Variants in ADAMTSL3 observed in about 807,000 individuals in gnomAD.
ADAMTSL3 encodes ADAMTS like 3.
In ADAMTSL3, 128 loss-of-function variants were observed where a neutral mutation model predicts 201.7. That is an observed-to-expected ratio of 0.63 (90% CI 0.55 to 0.73). The LOEUF (loss-of-function observed/expected upper bound fraction) is 0.73. ADAMTSL3 is among the 30% of genes least tolerant of loss of function. The probability of loss-of-function intolerance (pLI) is 0.00; values close to 1 mark genes in which losing one functional copy is unlikely to be tolerated. For synonymous variants in ADAMTSL3, 738 were observed against 748.4 expected (o/e 0.99, Z 0.23); for missense variants, 1,990 against 2,119.6 (o/e 0.94, Z 1.20).
intron 3 of ADAMTSL3, among the ~76,000 whole-genome samples, chr15:83,760,539 C>T (rs779869687): frequency 2.6e-5 from 4 of 152,020 alleles, no homozygotes; most frequent in East Asian, 1.9e-4. Flanking sequence ...TATTCTGTAT[C>T]GTTACTTATT....
intron 3 of ADAMTSL3, among the ~76,000 whole-genome samples, chr15:83,722,214 C>T (rs1282175500): frequency 6.6e-6 from 1 of 152,078 alleles, no homozygotes; most frequent in Non-Finnish European, 1.5e-5. Context: ...CAGAAAAGTT[C>T]AGTTACAGGG....
At chr15:83,727,867 A>G (rs2062204185) in intron 3 of ADAMTSL3, among the ~76,000 whole-genome samples, 1 of 152,018 alleles carries the variant, frequency 6.6e-6, no homozygotes, top group South Asian at 2.1e-4. Context: ...TTCTGTAAAT[A>G]TCTATTAGGT....
intron 7 of ADAMTSL3, among the ~76,000 whole-genome samples, chr15:83,850,101 G>GAA (rs34734300): frequency 2.0e-5 from 3 of 150,550 alleles, no homozygotes; most frequent in Middle Eastern, 3.4e-3. Flanking sequence ...AGGAAGATTA[G>GAA]AAAAAAAAAA....
At chr15:83,899,934 CAGAAA>C (rs2065691361) in intron 15 of ADAMTSL3, among the ~76,000 whole-genome samples, 1 of 152,156 alleles carries the variant, frequency 6.6e-6, no homozygotes, top group Non-Finnish European at 1.5e-5. Context: ...CTGAGCAGCA[CAGAAA>C]AGAACAGTGT....
intron 3 of ADAMTSL3, among the ~76,000 whole-genome samples, chr15:83,741,878 G>A (rs183335906): frequency 1.5e-4 from 23 of 152,196 alleles, no homozygotes; most frequent in Admixed American, 1.4e-3. Flanking sequence ...GGCTGACGTG[G>A]GAGGATCGCT....
intron 20 of ADAMTSL3, among the ~76,000 whole-genome samples, chr15:83,980,977 G>A (rs2067376073): frequency 6.6e-6 from 1 of 152,188 alleles, no homozygotes; most frequent in Non-Finnish European, 1.5e-5. Flanking sequence ...ACAACAAGGA[G>A]GACCTGTAAC....
chr15:83,698,188 A>G (rs139793310), intron 2 of ADAMTSL3, among the ~76,000 whole-genome samples: 9 of 152,278 alleles, frequency 5.9e-5, no homozygotes, highest in African/African-American at 1.4e-4. Context: ...TATTTCTATT[A>G]TATCATAATA....
chr15:83,722,704 C>T (rs1051204471), intron 3 of ADAMTSL3, among the ~76,000 whole-genome samples: 1 of 152,018 alleles, frequency 6.6e-6, no homozygotes, highest in Admixed American at 6.6e-5. Flanking sequence ...CAAGAGTATT[C>T]GTTTCAGAAA....
chr15:84,035,580 T>C (rs188642077), intron 28 of ADAMTSL3, among the ~76,000 whole-genome samples: 5 of 152,210 alleles, frequency 3.3e-5, no homozygotes, highest in African/African-American at 1.2e-4. Flanking sequence ...TTTGATAGAG[T>C]CTCCTCCTAC....
At chr15:83,694,051 C>G (rs1287009973) in intron 2 of ADAMTSL3, among the ~76,000 whole-genome samples, 1 of 152,210 alleles carries the variant, frequency 6.6e-6, no homozygotes, top group East Asian at 1.9e-4. Context: ...AAAATACATG[C>G]TTCACTGGAG....
At chr15:83,977,156 T>C (rs1043594020) in intron 20 of ADAMTSL3, among the ~76,000 whole-genome samples, 4 of 152,152 alleles carry the variant, frequency 2.6e-5, no homozygotes, top group African/African-American at 9.6e-5. Flanking sequence ...TATTGTGAAC[T>C]GCGCATGCGA....
At chr15:83,882,047 T>G (rs1299308255) in intron 9 of ADAMTSL3, among the ~76,000 whole-genome samples, 1 of 151,888 alleles carries the variant, frequency 6.6e-6, no homozygotes, top group South Asian at 2.1e-4. Flanking sequence ...TCTCAGCTAC[T>G]TGGGAGGCTG....
At chr15:84,017,120 GTTTA>G (rs2068100076) in intron 25 of ADAMTSL3, among the ~76,000 whole-genome samples, 1 of 152,024 alleles carries the variant, frequency 6.6e-6, no homozygotes, top group Non-Finnish European at 1.5e-5. Context: ...TGTTTATTTT[GTTTA>G]TTTATTTATT....
chr15:83,771,229 CTTAA>C (rs1222776170), intron 3 of ADAMTSL3, among the ~76,000 whole-genome samples: 30 of 141,876 alleles, frequency 2.1e-4, no homozygotes, highest in African/African-American at 6.5e-4. Context: ...ATTCTCTACT[CTTAA>C]TTGAGACAAT....
At chr15:83,803,743 T>C (rs549770413) in intron 4 of ADAMTSL3, among the ~76,000 whole-genome samples, 1 of 152,250 alleles carries the variant, frequency 6.6e-6, no homozygotes, top group South Asian at 2.1e-4. Context: ...GAAGATAGGT[T>C]ATGTGGTGGT....
intron 2 of ADAMTSL3, among the ~76,000 whole-genome samples, chr15:83,659,360 G>T (rs1408383413): frequency 6.6e-6 from 1 of 152,192 alleles, no homozygotes; most frequent in Non-Finnish European, 1.5e-5. Context: ...TATCTGGGTT[G>T]GCTCCGATCC....
At chr15:84,008,191 C>T (rs574439403) in intron 23 of ADAMTSL3, among the ~76,000 whole-genome samples, 10 of 152,222 alleles carry the variant, frequency 6.6e-5, no homozygotes, top group African/African-American at 2.2e-4. Context: ...CTCACTGCAA[C>T]CTCTACCTCC....
At chr15:83,931,061 C>T (rs1238524031) in intron 17 of ADAMTSL3, among the ~76,000 whole-genome samples, 1 of 152,190 alleles carries the variant, frequency 6.6e-6, no homozygotes, top group African/African-American at 2.4e-5. Flanking sequence ...GTTACTCCCC[C>T]TGATCTATCC....
chr15:83,860,664 G>C lies in ADAMTSL3; in HGVS notation c.802+1824G>C, dbSNP rs114358440. On this transcript the variant is annotated intron_variant, in intron 8 of 29. Coordinates refer to ENST00000286744, the MANE Select transcript of ADAMTSL3 (RefSeq NM_207517.3). The stretch of plus-strand genomic sequence containing the variant: ...AAACAGAATAAGTAAGCAATAAATA[G>C]AATAAGTAAAGGTGAGGGAGGTGGA... Among the ~76,000 whole-genome samples, 1,305 of 152,260 alleles carry C rather than the reference G, an allele frequency of 8.6e-3. 13 individuals carry two copies. Among genetic ancestry groups the C allele is most frequent in the African/African-American group, 0.029 (1,220 of 41,550 alleles).
Sources: gnomAD v4.1 joint callset for allele counts (sites outside exome capture counted in the v4.1 genomes callset) on GRCh38, gnomAD v4.1.1 for gene constraint, MANE v1.5 for transcripts, NCBI Gene and HGNC (gene_info 2026-07-23, HGNC 2026-07-21) for gene names.